ATRNL1: variants seen among roughly 807,000 people sequenced by gnomAD.
ATRNL1 encodes the protein attractin like 1.
A neutral mutation model predicts 182.7 loss-of-function variants in ATRNL1; 95 were observed. The observed-to-expected ratio is 0.52, with a 90% confidence interval of 0.44 to 0.62. The LOEUF (loss-of-function observed/expected upper bound fraction) is 0.62. Ranked by LOEUF, ATRNL1 falls within the 20% of genes least tolerant of loss-of-function variation. The pLI, the probability that ATRNL1 is intolerant of heterozygous loss-of-function variation, is 0.00. For synonymous variants in ATRNL1, 576 were observed against 568.3 expected (o/e 1.01, Z -0.19); for missense variants, 1,471 against 1,679.5 (o/e 0.88, Z 2.17).
intron 24 of ATRNL1, among the ~76,000 whole-genome samples, chr10:115,507,466 G>A (rs1850171268): frequency 6.6e-6 from 1 of 152,020 alleles, no homozygotes; most frequent in African/African-American, 2.4e-5. Flanking sequence ...AAAAGGACAG[G>A]TAACCTAATA....
At chr10:115,269,485 C>T (rs1214000193) in intron 13 of ATRNL1, among the ~76,000 whole-genome samples, 4 of 151,996 alleles carry the variant, frequency 2.6e-5, no homozygotes, top group African/African-American at 4.8e-5. Context: ...TAGGCAGGCA[C>T]CACCATGCCT....
intron 26 of ATRNL1, among the ~76,000 whole-genome samples, chr10:115,659,881 G>T (rs574525188): frequency 2.0e-5 from 3 of 152,174 alleles, no homozygotes; most frequent in Non-Finnish European, 4.4e-5. Flanking sequence ...AAAGGTAACA[G>T]ATGATGTGTT....
intron 20 of ATRNL1, among the ~76,000 whole-genome samples, chr10:115,426,045 T>G (rs1554962813): frequency 2.0e-5 from 3 of 152,110 alleles, no homozygotes; most frequent in Non-Finnish European, 4.4e-5. Context: ...CTATTTCATC[T>G]CTCACTTTTT....
chr10:115,586,944 C>T (rs1339472440), intron 26 of ATRNL1, among the ~76,000 whole-genome samples: 1 of 127,018 alleles, frequency 7.9e-6, no homozygotes, highest in African/African-American at 2.6e-5. Context: ...TGTGGATGTC[C>T]TTTCTGTTTG....
At chr10:115,389,669 G>A (rs1212514116) in intron 19 of ATRNL1, among the ~76,000 whole-genome samples, 1 of 147,046 alleles carries the variant, frequency 6.8e-6, no homozygotes, top group Admixed American at 6.9e-5. Flanking sequence ...ACAGGAGTAC[G>A]ACTATCTCTT....
intron 27 of ATRNL1, among the ~76,000 whole-genome samples, chr10:115,836,573 G>T (rs1442553272): frequency 1.3e-5 from 2 of 152,178 alleles, no homozygotes; most frequent in Admixed American, 1.3e-4. Flanking sequence ...TCCTTGGCTT[G>T]TAGATGCATC....
At chr10:115,333,419 C>T (rs1027336741) in intron 18 of ATRNL1, among the ~76,000 whole-genome samples, 22 of 151,884 alleles carry the variant, frequency 1.4e-4, no homozygotes, top group African/African-American at 5.1e-4. Flanking sequence ...AATAGACTTT[C>T]AGTTAAATCT....
intron 26 of ATRNL1, among the ~76,000 whole-genome samples, chr10:115,699,557 A>G (rs74323320): frequency 0.052 from 7,989 of 152,210 alleles, 705 homozygotes; most frequent in African/African-American, 0.18. Flanking sequence ...AATAAATGAG[A>G]GCTTCACACA....
intron 14 of ATRNL1, among the ~76,000 whole-genome samples, chr10:115,285,785 TTA>T (rs1852583513): frequency 6.6e-6 from 1 of 152,036 alleles, no homozygotes; most frequent in Admixed American, 6.6e-5. Flanking sequence ...GAAATTAGAT[TTA>T]GAGGTCAATT....
intron 26 of ATRNL1, among the ~76,000 whole-genome samples, chr10:115,619,207 G>A (rs1349256087): frequency 2.0e-5 from 3 of 152,196 alleles, no homozygotes; most frequent in African/African-American, 4.8e-5. Context: ...CTGGGGTCAT[G>A]TGTAAGTGCA....
intron 19 of ATRNL1, among the ~76,000 whole-genome samples, chr10:115,371,786 G>A (rs1288914239): frequency 6.6e-6 from 1 of 152,180 alleles, no homozygotes; most frequent in African/African-American, 2.4e-5. Context: ...GTTTTGGAAT[G>A]TGAAGACATT....
rs376516397 is a variant in ATRNL1, at chr10:115,718,670, C to T, written c.3796-8578C>T. On this transcript the variant is annotated intron_variant, in intron 26 of 28. Transcript: ENST00000355044. The stretch of plus-strand genomic sequence containing the variant: ...TTATAGGTAATGCTATCTGTATCAA[C>T]ACAGAAAAGATTTAGAGTCCGTATT... Among the ~76,000 whole-genome samples, 19 of 152,262 alleles carry T rather than the reference C, an allele frequency of 1.2e-4. No homozygotes were observed. In the East Asian group the frequency reaches 2.7e-3, roughly 22 times the overall value.
chr10:115,289,885 A>G (rs1014623348), intron 15 of ATRNL1, among the ~76,000 whole-genome samples: 3 of 152,046 alleles, frequency 2.0e-5, no homozygotes, highest in Non-Finnish European at 4.4e-5. Flanking sequence ...TGTTCCATAC[A>G]GGTTTTAGGA....
intron 6 of ATRNL1, among the ~76,000 whole-genome samples, chr10:115,161,008 A>G (rs1370525152): frequency 7.2e-5 from 11 of 151,948 alleles, no homozygotes; most frequent in Non-Finnish European, 1.6e-4. Context: ...GATAAAAAAC[A>G]AGTACATTTT....
At chr10:115,417,707 A>C (rs2134363056) in intron 20 of ATRNL1, among the ~76,000 whole-genome samples, 1 of 152,268 alleles carries the variant, frequency 6.6e-6, no homozygotes, top group South Asian at 2.1e-4. Flanking sequence ...GCACTGGGAT[A>C]GTCTTCTGGG....
At chr10:115,630,059 C>T (rs1858378195) in intron 26 of ATRNL1, among the ~76,000 whole-genome samples, 1 of 152,068 alleles carries the variant, frequency 6.6e-6, no homozygotes, top group South Asian at 2.1e-4. Context: ...TTTTTGCTTG[C>T]ATTGCCTGTA....
intron 26 of ATRNL1, among the ~76,000 whole-genome samples, chr10:115,717,626 A>G (rs1424643849): frequency 7.2e-6 from 1 of 138,454 alleles, no homozygotes; most frequent in Non-Finnish European, 1.5e-5. Flanking sequence ...ATCTCAGCAC[A>G]CTGCAATCTC....
chr10:115,351,709 A>G (rs1856258688), intron 19 of ATRNL1, among the ~76,000 whole-genome samples: 3 of 140,828 alleles, frequency 2.1e-5, no homozygotes, highest in South Asian at 2.3e-4. Flanking sequence ...CATCTTGTTC[A>G]TGAGTGATAT....
In ATRNL1 at chr10:115,946,921, G is replaced by A. The variant is rs1017317876; in HGVS notation, c.*2142G>A. The A allele has an allele frequency of 6.6e-6, 1 of 152,158 alleles. No individual in the cohort carries two copies. Among genetic ancestry groups the A allele is most frequent in the African/African-American group, 2.4e-5 (1 of 41,410 alleles). 9.4% of individuals were successfully genotyped at this position (152,158 alleles called of 1,614,324 possible). A position where few individuals can be genotyped will look rare whatever the true frequency, so the allele number is the denominator to read the frequency against. On this transcript the variant is annotated 3_prime_UTR_variant, in exon 29 of 29. Transcript: ENST00000355044. ...AATCTATATAAGCTATATTTTTAGG[G>A]AGGCTAAGCAGATAGTATTACTGTG...
Sources: allele counts gnomAD v4.1 joint callset (sites outside exome capture counted in the v4.1 genomes callset), GRCh38; gene constraint gnomAD v4.1.1; transcripts MANE v1.5; gene names NCBI Gene and HGNC (gene_info 2026-07-23, HGNC 2026-07-21).